Variants in ALG13 observed in about 807,000 individuals in gnomAD.
The protein encoded by ALG13 is UDP-N-acetylglucosamine transferase subunit ALG13.
A neutral mutation model predicts 87.8 loss-of-function variants in ALG13; 11 were observed. The observed-to-expected ratio is 0.13, with a 90% CI of 0.08 to 0.21. ALG13 has a LOEUF of 0.21. Among genes scored for constraint, ALG13 ranks in the 10% least tolerant of loss-of-function variants. The pLI, the probability that ALG13 is intolerant of heterozygous loss-of-function variation, is 1.00. For synonymous variants in ALG13, 320 were observed against 306.3 expected (o/e 1.04, Z -0.47); for missense variants, 756 against 866.1 (o/e 0.87, Z 1.60).
intron 1 of ALG13, chrX:111,681,501 C>T (rs1441192459): frequency 9.8e-6 from 10 of 1,024,621 alleles, no homozygotes; most frequent in African/African-American, 9.6e-5. Context: ...TCGGGGTTGC[C>T]TGTTTCCTCT....
chrX:111,726,236 T>A, intron 15 of ALG13, among the ~76,000 whole-genome samples: 1 of 96,832 alleles, frequency 1.0e-5, no homozygotes, highest in South Asian at 5.2e-4. Context: ...TGTTTTGTTT[T>A]TTTTTTTTTT....
rs1364738168 is a variant in ALG13, at chrX:111,718,210, A to C, written c.1186A>C (p.Arg396=). 7 of 1,188,449 alleles carry C rather than the reference A, an allele frequency of 5.9e-6. No homozygotes were observed. In the Admixed American group the frequency reaches 9.4e-5, roughly 16 times the overall value. Residue 396 remains arginine (R), a synonymous_variant, in exon 10 of 27, where the codon AGA becomes CGA. Coordinates refer to ENST00000394780, the MANE Select transcript of ALG13 (RefSeq NM_001099922.3). The part of the protein sequence containing the change: ...KLFRSGSKKN[R]NNAVTGSEDA... ...GTTTCGAAGTGGTTCTAAGAAGAACAGAAATAATGCTGTAACTGGAAGCGA... is the reference window on the plus strand; with the variant it reads ...GTTTCGAAGTGGTTCTAAGAAGAACCGAAATAATGCTGTAACTGGAAGCGA...
At chrX:111,687,758 A>AGT in intron 3 of ALG13, 1 of 505,426 alleles carries the variant, frequency 2.0e-6, no homozygotes, top group Non-Finnish European at 3.1e-6. Flanking sequence ...AAAATATATA[A>AGT]AAATTCACAT....
intron 14 of ALG13, 33 bp from the exon 15 acceptor site, chrX:111,724,901 A>G (rs780120026): frequency 1.7e-6 from 2 of 1,201,105 alleles, no homozygotes; most frequent in Non-Finnish European, 2.3e-6. Context: ...TCTGTGTTGC[A>G]GTATCTTCAT....
At chrX:111,732,521 A>G (rs1315865027) in intron 21 of ALG13, among the ~76,000 whole-genome samples, 1 of 112,107 alleles carries the variant, frequency 8.9e-6, no homozygotes, top group Non-Finnish European at 1.9e-5. Flanking sequence ...AGGGCAAAAG[A>G]TACAGAAATT....
intron 3 of ALG13, chrX:111,690,418 T>C: frequency 1.3e-6 from 1 of 748,816 alleles, no homozygotes; most frequent in Non-Finnish European, 1.6e-6. Flanking sequence ...ATGTGATGTT[T>C]TGGGATGACC....
intron 21 of ALG13, 120 bp downstream of exon 21, chrX:111,730,700 A>C: frequency 4.7e-5 from 24 of 509,003 alleles, no homozygotes; most frequent in Non-Finnish European, 7.0e-5. Flanking sequence ...TATCATTCTC[A>C]TTTTGAAGAT....
chrX:111,703,206 A>G (rs1938194129), intron 3 of ALG13, among the ~76,000 whole-genome samples: 1 of 109,809 alleles, frequency 9.1e-6, no homozygotes, highest in Admixed American at 9.7e-5. Flanking sequence ...CATCATCATC[A>G]TCATCATCAT....
At chrX:111,699,568 TGTAAG>T (rs1937452424) in intron 3 of ALG13, among the ~76,000 whole-genome samples, 1 of 112,056 alleles carries the variant, frequency 8.9e-6, no homozygotes, top group Non-Finnish European at 1.9e-5. Flanking sequence ...TTTAATATGA[TGTAAG>T]GTAAGGATCC....
intron 24 of ALG13, among the ~76,000 whole-genome samples, chrX:111,752,467 G>A (rs1944840297): frequency 9.1e-6 from 1 of 110,268 alleles, no homozygotes; most frequent in Non-Finnish European, 1.9e-5. Context: ...CCAGGCTGGA[G>A]TGCAGTGGCA....
intron 3 of ALG13, chrX:111,688,115 C>T (rs1162347289): frequency 5.8e-6 from 5 of 855,585 alleles, no homozygotes; most frequent in Admixed American, 1.3e-4. Flanking sequence ...AATAAACTTC[C>T]TACATCTATA....
intron 6 of ALG13, 91 bp downstream of exon 6, chrX:111,711,816 C>T: frequency 2.2e-6 from 2 of 903,352 alleles, no homozygotes; most frequent in Non-Finnish European, 3.1e-6. Flanking sequence ...TTAGCCAGAC[C>T]CCAAATATTT....
intron 3 of ALG13, among the ~76,000 whole-genome samples, chrX:111,693,447 T>C (rs770745588): frequency 5.5e-5 from 6 of 109,561 alleles, no homozygotes; most frequent in Admixed American, 3.9e-4. Flanking sequence ...GGTTTTGCCA[T>C]GTTGGCCAGG....
At chrX:111,722,694 C>T (rs1941529155) in intron 12 of ALG13, 99 bp from the exon 13 acceptor site, 5 of 552,112 alleles carry the variant, frequency 9.1e-6, no homozygotes, top group East Asian at 7.7e-5. Flanking sequence ...ATAGTGGTAG[C>T]GTTGTCAAAG....
intron 21 of ALG13, among the ~76,000 whole-genome samples, chrX:111,731,519 C>A (rs147197791): frequency 3.1e-3 from 348 of 111,904 alleles, no homozygotes; most frequent in Non-Finnish European, 5.9e-3. Context: ...AAGGCCCATC[C>A]TTCCTTGGCA....
intron 15 of ALG13, among the ~76,000 whole-genome samples, chrX:111,725,770 C>T (rs1015760400): frequency 9.0e-6 from 1 of 111,657 alleles, no homozygotes; most frequent in African/African-American, 3.3e-5. Flanking sequence ...AAAACTTAAG[C>T]TGACATGGAT....
chrX:111,720,238 A>G, intron 11 of ALG13, 68 bp downstream of exon 11: 1 of 720,578 alleles, frequency 1.4e-6, no homozygotes, highest in Non-Finnish European at 2.0e-6. Context: ...TAAACTAGTT[A>G]AAGTCAGATA....
In ALG13 at chrX:111,681,582, C is replaced by T. The variant is rs1202913376; in HGVS notation, c.81+283C>T. 6.3e-6 allele frequency: 6 copies of T among 946,508 alleles called. No homozygotes were observed. In the South Asian group the frequency reaches 1.6e-4, roughly 25 times the overall value. 78.0% of individuals were successfully genotyped at this position (946,508 alleles called of 1,213,427 possible). A position where few individuals can be genotyped will look rare whatever the true frequency, so the allele number is the denominator to read the frequency against. Reference sequence around the variant, plus strand: ...TTCCGGTCTGCCCCCGCGCTCTATTCTCCGCCTCCGCGTCCTCCGCCCCTC... The same window carrying T: ...TTCCGGTCTGCCCCCGCGCTCTATTTTCCGCCTCCGCGTCCTCCGCCCCTC... On this transcript the variant is annotated intron_variant, in intron 1 of 26. Coordinates refer to ENST00000394780, the MANE Select transcript of ALG13 (RefSeq NM_001099922.3).
chrX:111,727,830 G>C, intron 18 of ALG13, 60 bp downstream of exon 18: 2 of 1,054,356 alleles, frequency 1.9e-6, no homozygotes, highest in Non-Finnish European at 2.5e-6. Context: ...TTTTTTTGAA[G>C]TAAAGGCAAT....
Sources: gnomAD v4.1 joint callset for allele counts (sites outside exome capture counted in the v4.1 genomes callset) on GRCh38, gnomAD v4.1.1 for gene constraint, MANE v1.5 for transcripts, NCBI Gene and HGNC (gene_info 2026-07-23, HGNC 2026-07-21) for gene names.